SORCS1: variants seen among roughly 807,000 people sequenced by gnomAD.
SORCS1 encodes the protein VPS10 domain-containing receptor SorCS1.
Under a neutral mutation model 146.1 loss-of-function variants are expected in SORCS1, and 60 were observed. That is an observed-to-expected ratio of 0.41 (90% CI 0.33 to 0.51). The LOEUF (loss-of-function observed/expected upper bound fraction) is 0.51, where lower values mean the gene tolerates loss of function less well. SORCS1 is among the 20% of genes least tolerant of loss of function. SORCS1 has a pLI of 0.21. For missense variants in SORCS1, 1,352 were observed against 1,487.6 expected, an observed-to-expected ratio of 0.91 and a Z score of 1.50; for synonymous variants, 637 against 584.0, an observed-to-expected ratio of 1.09 and a Z score of -1.31.
chr10:106,995,715 C>G (rs1956961938), intron 1 of SORCS1, among the ~76,000 whole-genome samples: 1 of 151,956 alleles, frequency 6.6e-6, no homozygotes, highest in African/African-American at 2.4e-5. Context: ...ATGGTAGAAA[C>G]AGTAAGCAAT....
intron 20 of SORCS1, 102 bp downstream of exon 20, chr10:106,620,326 C>T: frequency 6.9e-7 from 1 of 1,452,552 alleles, no homozygotes; most frequent in Non-Finnish European, 9.2e-7. Context: ...GCTACAACTG[C>T]TTCTACACTC....
At chr10:107,097,941 G>A (rs1964649216) in intron 1 of SORCS1, among the ~76,000 whole-genome samples, 1 of 151,954 alleles carries the variant, frequency 6.6e-6, no homozygotes, top group South Asian at 2.1e-4. Context: ...TGTAATACAG[G>A]AAAAAAATGC....
intron 1 of SORCS1, among the ~76,000 whole-genome samples, chr10:107,033,156 T>G (rs527539500): frequency 6.6e-6 from 1 of 152,114 alleles, no homozygotes; most frequent in African/African-American, 2.4e-5. Context: ...CAAGCACATA[T>G]TCTCACAGCC....
At chr10:106,935,050 C>T (rs1953641994) in intron 2 of SORCS1, among the ~76,000 whole-genome samples, 1 of 151,742 alleles carries the variant, frequency 6.6e-6, no homozygotes, top group Non-Finnish European at 1.5e-5. Context: ...CCACGAGTAC[C>T]CCAAAAACTA....
At chr10:106,829,791 T>C in intron 2 of SORCS1, 118 bp from the exon 3 acceptor site, 3 of 621,422 alleles carry the variant, frequency 4.8e-6, no homozygotes, top group East Asian at 2.7e-5. Context: ...ATGATTCATG[T>C]AGTATATAAT....
chr10:106,669,694 G>A (rs535190230), intron 16 of SORCS1, among the ~76,000 whole-genome samples: 2 of 152,332 alleles, frequency 1.3e-5, no homozygotes, highest in African/African-American at 2.4e-5. Context: ...AGATTTCGAT[G>A]ATTTGAGCTC....
At chr10:107,109,281 G>A (rs981265978) in intron 1 of SORCS1, among the ~76,000 whole-genome samples, 8 of 152,162 alleles carry the variant, frequency 5.3e-5, no homozygotes, top group African/African-American at 1.9e-4. Flanking sequence ...TCTCTGTGAG[G>A]GTTACACCCC....
intron 2 of SORCS1, among the ~76,000 whole-genome samples, chr10:106,910,300 TGTGTGTGTGTGTGTGA>T (rs1295357557): frequency 1.5e-5 from 2 of 132,414 alleles, no homozygotes; most frequent in African/African-American, 6.8e-5. Context: ...TGTGTGTGTG[TGTGTGTGTGTGTGTGA>T]GACAGTATAT....
At chr10:106,934,138 G>GAAAATAT (rs1004958180) in intron 2 of SORCS1, among the ~76,000 whole-genome samples, 4 of 151,126 alleles carry the variant, frequency 2.6e-5, no homozygotes, top group African/African-American at 9.7e-5. Context: ...TTTCAAAAGT[G>GAAAATAT]AAAATATAAT....
At chr10:106,728,528 C>T (rs930226823) in intron 6 of SORCS1, among the ~76,000 whole-genome samples, 5 of 152,170 alleles carry the variant, frequency 3.3e-5, no homozygotes, top group African/African-American at 1.2e-4. Context: ...TGATCCCTAA[C>T]CTGTGCCCCA....
intron 18 of SORCS1, among the ~76,000 whole-genome samples, chr10:106,629,939 G>T (rs181438845): frequency 3.9e-5 from 6 of 152,192 alleles, no homozygotes; most frequent in African/African-American, 7.2e-5. Context: ...AGCTACTCGG[G>T]GGGGCTGAGG....
At chr10:106,844,835 G>C (rs1472734132) in intron 2 of SORCS1, among the ~76,000 whole-genome samples, 6 of 144,964 alleles carry the variant, frequency 4.1e-5, no homozygotes, top group Admixed American at 2.8e-4. Context: ...TGCGGTGTTT[G>C]GTTTTTTGTT....
chr10:107,011,017 AGACGGAT>A (rs1957675338), intron 1 of SORCS1, among the ~76,000 whole-genome samples: 2 of 152,230 alleles, frequency 1.3e-5, no homozygotes, highest in African/African-American at 4.8e-5. Context: ...AGATCTGCCT[AGACGGAT>A]GAAGGCAATT....
At chr10:106,911,834 T>C (rs558356303) in intron 2 of SORCS1, among the ~76,000 whole-genome samples, 22 of 152,106 alleles carry the variant, frequency 1.4e-4, no homozygotes, top group Middle Eastern at 3.4e-3. Context: ...GCTCAGGGAC[T>C]GGGTGTGGTG....
intron 2 of SORCS1, among the ~76,000 whole-genome samples, chr10:106,833,539 A>G (rs568987353): frequency 2.0e-5 from 3 of 152,260 alleles, no homozygotes; most frequent in Non-Finnish European, 2.9e-5. Context: ...TTCTCTGAGT[A>G]GTTGTTCCTG....
intron 1 of SORCS1, among the ~76,000 whole-genome samples, chr10:107,037,203 G>A (rs962397788): frequency 7.9e-5 from 12 of 152,202 alleles, no homozygotes; most frequent in African/African-American, 2.2e-4. Context: ...CTGAGATTGC[G>A]CCACTGCACT....
intron 18 of SORCS1, among the ~76,000 whole-genome samples, chr10:106,642,519 A>G (rs996486798): frequency 2.0e-5 from 3 of 152,226 alleles, no homozygotes; most frequent in African/African-American, 4.8e-5. Context: ...TCAAATTCAA[A>G]TAAGAAATGC....
intron 1 of SORCS1, among the ~76,000 whole-genome samples, chr10:107,037,838 T>G (rs181309486): frequency 3.5e-4 from 53 of 152,292 alleles, no homozygotes; most frequent in Middle Eastern, 3.4e-3. Context: ...ATTTATTTAT[T>G]TATTTTGAAA....
chr10:106,983,091 CATT>C (rs936652731), intron 1 of SORCS1, among the ~76,000 whole-genome samples: 3 of 148,206 alleles, frequency 2.0e-5, no homozygotes, highest in African/African-American at 4.9e-5. Context: ...TTTATTTCCT[CATT>C]ATCTCAGAGG....
Sources: allele counts gnomAD v4.1 joint callset (sites outside exome capture counted in the v4.1 genomes callset), GRCh38; gene constraint gnomAD v4.1.1; transcripts MANE v1.5; gene names NCBI Gene and HGNC (gene_info 2026-07-23, HGNC 2026-07-21).